ROR1: variants seen among roughly 807,000 people sequenced by gnomAD.
ROR1 encodes inactive tyrosine-protein kinase transmembrane receptor ROR1.
A neutral mutation model predicts 78.8 loss-of-function variants in ROR1; 19 were observed. That is an observed-to-expected ratio of 0.24 (90% confidence interval 0.17 to 0.35). The LOEUF (loss-of-function observed/expected upper bound fraction) is 0.35, where lower values mean the gene tolerates loss of function less well. Ranked by LOEUF, ROR1 falls within the 10% of genes least tolerant of loss-of-function variation. ROR1 has a pLI of 1.00. For missense variants in ROR1, 917 were observed against 1,177.8 expected (o/e 0.78, Z 3.24); for synonymous variants, 386 against 433.6 (o/e 0.89, Z 1.36).
At chr1:63,846,189 G>A (rs1645080318) in intron 1 of ROR1, among the ~76,000 whole-genome samples, 1 of 149,760 alleles carries the variant, frequency 6.7e-6, no homozygotes, top group Admixed American at 6.7e-5. Context: ...ATCAGCAGCT[G>A]TGGTTCTTGC....
intron 1 of ROR1, among the ~76,000 whole-genome samples, chr1:63,811,097 A>T (rs1644857377): frequency 6.6e-6 from 1 of 152,166 alleles, no homozygotes; most frequent in African/African-American, 2.4e-5. Context: ...TGTGGGATTG[A>T]GGTTAATATA....
At chr1:63,920,265 A>G (rs1311014059) in intron 1 of ROR1, among the ~76,000 whole-genome samples, 1 of 152,168 alleles carries the variant, frequency 6.6e-6, no homozygotes, top group East Asian at 1.9e-4. Flanking sequence ...CAGCTGCCAA[A>G]TAAGTGAGGA....
chr1:64,065,315 T>C (rs975602967), intron 4 of ROR1, among the ~76,000 whole-genome samples: 1 of 152,242 alleles, frequency 6.6e-6, no homozygotes, highest in Admixed American at 6.5e-5. Context: ...CAGTCTGCTA[T>C]ACCAGCTGTC....
intron 1 of ROR1, among the ~76,000 whole-genome samples, chr1:63,820,725 G>C (rs551320521): frequency 1.2e-4 from 18 of 152,268 alleles, no homozygotes; most frequent in Non-Finnish European, 2.2e-4. Context: ...CCTCTGCCTG[G>C]AGTGGTTGTG....
chr1:64,114,851 T>C (rs1314137242), intron 4 of ROR1, among the ~76,000 whole-genome samples: 3 of 152,206 alleles, frequency 2.0e-5, no homozygotes, highest in Non-Finnish European at 2.9e-5. Context: ...TCATCAGATA[T>C]GTGATAAATC....
chr1:63,877,353 T>C (rs1317142726), intron 1 of ROR1, among the ~76,000 whole-genome samples: 1 of 152,198 alleles, frequency 6.6e-6, no homozygotes, highest in Non-Finnish European at 1.5e-5. Flanking sequence ...GGCAAATTGC[T>C]GAACTCAAGT....
intron 4 of ROR1, among the ~76,000 whole-genome samples, chr1:64,123,885 C>T (rs1648627379): frequency 6.6e-6 from 1 of 151,960 alleles, no homozygotes; most frequent in African/African-American, 2.4e-5. Context: ...TTGTTTTGAG[C>T]CTAGAAAAAT....
chr1:64,136,669 T>TA (rs1335640509), intron 4 of ROR1, among the ~76,000 whole-genome samples: 9 of 152,182 alleles, frequency 5.9e-5, no homozygotes, highest in East Asian at 5.8e-4. Context: ...CCCCTCCTTA[T>TA]AAAAAAAGTC....
intron 1 of ROR1, among the ~76,000 whole-genome samples, chr1:63,837,362 T>A (rs368360135): frequency 1.3e-5 from 2 of 152,332 alleles, no homozygotes; most frequent in East Asian, 3.9e-4. Context: ...TGGAGTAATG[T>A]GTACATGATG....
At chr1:64,074,225 C>T (rs1331629046) in intron 4 of ROR1, among the ~76,000 whole-genome samples, 1 of 152,152 alleles carries the variant, frequency 6.6e-6, no homozygotes, top group African/African-American at 2.4e-5. Flanking sequence ...ATTTGGGTAT[C>T]CAACCGTGCC....
At chr1:63,882,470 A>C (rs988373251) in intron 1 of ROR1, among the ~76,000 whole-genome samples, 14 of 152,312 alleles carry the variant, frequency 9.2e-5, no homozygotes, top group African/African-American at 3.1e-4. Context: ...GATTAATAGA[A>C]GACACAATGT....
At chr1:64,175,584 C>T (rs998398091) in intron 8 of ROR1, among the ~76,000 whole-genome samples, 1 of 152,174 alleles carries the variant, frequency 6.6e-6, no homozygotes, top group African/African-American at 2.4e-5. Flanking sequence ...AAACTCATTT[C>T]CAAATATAAA....
intron 1 of ROR1, among the ~76,000 whole-genome samples, chr1:63,811,522 G>C (rs1450634309): frequency 6.6e-6 from 1 of 152,138 alleles, no homozygotes. Flanking sequence ...AGCTTCTGTG[G>C]GCAGCTGATT....
chr1:63,901,818 C>T (rs1003002016), intron 1 of ROR1, among the ~76,000 whole-genome samples: 4 of 152,058 alleles, frequency 2.6e-5, no homozygotes, highest in Non-Finnish European at 4.4e-5. Context: ...ATTGTGCTAG[C>T]TAGTGTACAA....
At chr1:64,136,355 ATT>A (rs561354647) in intron 4 of ROR1, among the ~76,000 whole-genome samples, 4,615 of 137,930 alleles carry the variant, frequency 0.033, 258 homozygotes, top group African/African-American at 0.11. Context: ...AAAACGGTGT[ATT>A]TTTTTTTTTT....
intron 1 of ROR1, among the ~76,000 whole-genome samples, chr1:63,862,511 C>T (rs1156829458): frequency 2.0e-5 from 3 of 151,772 alleles, no homozygotes; most frequent in Non-Finnish European, 4.4e-5. Context: ...CTTTGTATTT[C>T]CCATAACCCA....
intron 2 of ROR1, among the ~76,000 whole-genome samples, chr1:64,029,708 A>C (rs1026650777): frequency 2.0e-5 from 3 of 152,116 alleles, no homozygotes; most frequent in Non-Finnish European, 2.9e-5. Context: ...TTATCAGATT[A>C]AGACCCCACC....
chr1:63,843,829 C>G (rs1006604763), intron 1 of ROR1: 6 of 307,884 alleles, frequency 1.9e-5, no homozygotes, highest in Non-Finnish European at 3.8e-5. Context: ...ATTGCAACAA[C>G]TTTTTAGCTG....
chr1:64,019,957 G>A (rs1171196979), intron 2 of ROR1, among the ~76,000 whole-genome samples: 1 of 152,170 alleles, frequency 6.6e-6, no homozygotes, highest in Non-Finnish European at 1.5e-5. Context: ...TTATAAGACA[G>A]AGACAGAGGG....
Sources: gnomAD v4.1 joint callset for allele counts (sites outside exome capture counted in the v4.1 genomes callset) on GRCh38, gnomAD v4.1.1 for gene constraint, MANE v1.5 for transcripts, NCBI Gene and HGNC (gene_info 2026-07-23, HGNC 2026-07-21) for gene names.